The following KPNA7 variants were observed in gnomAD, a reference collection of about 807,000 sequenced individuals.
KPNA7 encodes karyopherin subunit alpha 7, also known as importin subunit alpha-8.
Under a neutral mutation model 53.7 loss-of-function variants are expected in KPNA7, and 54 were observed. The observed-to-expected ratio is 1.01, with a 90% CI of 0.81 to 1.26. The LOEUF (loss-of-function observed/expected upper bound fraction) is 1.26. KPNA7 is among the 50% of genes most tolerant of loss of function. The pLI is 0.00. For missense variants in KPNA7, 640 were observed against 644.5 expected, an observed-to-expected ratio of 0.99 and a Z score of 0.07; for synonymous variants, 276 against 259.3, an observed-to-expected ratio of 1.06 and a Z score of -0.62.
downstream of KPNA7, among the ~76,000 whole-genome samples, chr7:99,171,092 C>A (rs1012140182): frequency 6.6e-6 from 1 of 152,106 alleles, no homozygotes; most frequent in Non-Finnish European, 1.5e-5. Flanking sequence ...TGTTCGCGGG[C>A]GCCCGTGATC....
chr7:99,205,103 T>C (rs1001531776), intron 2 of KPNA7, among the ~76,000 whole-genome samples: 3 of 151,944 alleles, frequency 2.0e-5, no homozygotes, highest in South Asian at 2.1e-4. Context: ...GACAGCTTCA[T>C]TGTTGGAATA....
chr7:99,166,809 C>T, the KPNA7 span, among the ~76,000 whole-genome samples: 1 of 150,432 alleles, frequency 6.6e-6, no homozygotes, highest in African/African-American at 2.5e-5. Flanking sequence ...TTAGTAGAGA[C>T]AAGGTTTCAC....
chr7:99,195,314 G>A lies in KPNA7; in HGVS notation c.309C>T (p.Asn103=). 1 of 1,551,500 alleles carries A rather than the reference G, an allele frequency of 6.4e-7. No individual in the cohort carries two copies. The highest frequency in any genetic ancestry group is 8.7e-7 in the Non-Finnish European group (1 of 1,146,918). ...CTTCAATGACCAGTTTCAGAGGGGG[G>A]TTCTTTTCCTGGGATAGCATTTTCC... ...TARKMLSQEK[N]PPLKLVIEAG... is the part of the protein sequence containing the mutation. The change falls in exon 5 of 11, where the codon AAC becomes AAT. Residue 103 remains asparagine, a synonymous_variant. Transcript: ENST00000327442.
chr7:99,168,542 G>T, the KPNA7 span, among the ~76,000 whole-genome samples: 1 of 152,114 alleles, frequency 6.6e-6, no homozygotes, highest in Non-Finnish European at 1.5e-5. Flanking sequence ...ATAGGGTCTG[G>T]CTCTGTCCCC....
intron 4 of KPNA7, 60 bp from the exon 5 acceptor site, chr7:99,195,398 C>T (rs1395181427): frequency 2.7e-6 from 4 of 1,486,020 alleles, no homozygotes; most frequent in African/African-American, 2.8e-5. Flanking sequence ...TATTAAGGAC[C>T]TCCTTTTAGG....
In KPNA7 at chr7:99,195,358, G is replaced by A. The variant is rs1309259049; in HGVS notation, c.285-20C>T. On this transcript the variant is annotated intron_variant, in intron 4 of 10. Transcript: ENST00000327442. ...ATTTTCCTATGCAATGAAAGAGAGG[G>A]CAGGGGAGGGGGAGGTCAAGTGAGA... The A allele has an allele frequency of 3.2e-6, 5 of 1,548,002 alleles. No homozygotes were observed. The South Asian group carries it at 4.8e-5, about 15-fold the overall frequency.
intron 6 of KPNA7, among the ~76,000 whole-genome samples, chr7:99,191,790 C>CG (rs1789968943): frequency 6.6e-6 from 1 of 152,154 alleles, no homozygotes; most frequent in African/African-American, 2.4e-5. Context: ...GCTGGGACTA[C>CG]AGGAACGTGC....
chr7:99,154,733 T>G, the KPNA7 span, among the ~76,000 whole-genome samples: 1,774 of 151,902 alleles, frequency 0.012, 33 homozygotes, highest in African/African-American at 0.041. Context: ...TACCATGTTG[T>G]CCAAGCTGGT....
chr7:99,164,450 G>C, the KPNA7 span, among the ~76,000 whole-genome samples: 1 of 151,960 alleles, frequency 6.6e-6, no homozygotes, highest in Non-Finnish European at 1.5e-5. Context: ...AGAACACATG[G>C]ACACAGGAAG....
chr7:99,160,022 T>TG, the KPNA7 span, among the ~76,000 whole-genome samples: 90 of 71,702 alleles, frequency 1.3e-3, no homozygotes, highest in East Asian at 0.013. Flanking sequence ...TTTTTGTTTT[T>TG]TTTTTTTTTT....
rs754881370 is a variant in KPNA7 at position 99,207,613 on chromosome 7, CTTTTTTTTTTTTTTTTTTTTTTTTT to C, written c.-23-149_-23-125del. The C allele has an allele frequency of 4.2e-3, 513 of 123,008 alleles. 7 individuals are homozygous for C. The highest frequency in any genetic ancestry group is 5.3e-3 in the Non-Finnish European group (350 of 66,462). The allele number at this position is 123,008 out of a possible 1,614,324, so 7.6% of individuals were successfully genotyped here. ...GCAAAGGGCAGACCCAGGAAGCTAG[CTTTTTTTTTTTTTTTTTTTTTTTTT>C]TTTTTTTTTTTTTTTGAGACAGAGT... On this transcript the variant is annotated intron_variant, in intron 1 of 10. Coordinates refer to ENST00000327442, the MANE Select transcript of KPNA7 (RefSeq NM_001145715.3).
rs1257076032 is a variant in KPNA7 at position 99,195,987 on chromosome 7, A to G, written c.284+97T>C. On this transcript the variant is annotated intron_variant, in intron 4 of 10. Transcript: ENST00000327442. ...TCCTGTGTTTTACGGGCATGTTGCC[A>G]ATGCCAAGAAACCAAATAGGCCACC... The G allele has an allele frequency of 3.2e-6, 3 of 939,782 alleles. No individual in the cohort carries two copies. In the African/African-American group the frequency reaches 4.9e-5, roughly 15 times the overall value. The allele number at this position is 939,782 out of a possible 1,614,324, so 58.2% of individuals were successfully genotyped here.
chr7:99,150,389 T>A, the KPNA7 span, among the ~76,000 whole-genome samples: 151 of 149,236 alleles, frequency 1.0e-3, 1 homozygote, highest in African/African-American at 3.7e-3. Flanking sequence ...GCAGTGACAT[T>A]AAACAAACTG....
intron 4 of KPNA7, 83 bp from the exon 5 acceptor site, chr7:99,195,421 G>T (rs569871150): frequency 1.6e-6 from 2 of 1,289,036 alleles, no homozygotes; most frequent in East Asian, 2.5e-5. Flanking sequence ...AGGTGCGGTG[G>T]CTCACACCTG....
the KPNA7 span, among the ~76,000 whole-genome samples, chr7:99,168,378 G>T: frequency 6.6e-6 from 1 of 152,092 alleles, no homozygotes; most frequent in Non-Finnish European, 1.5e-5. Context: ...GGAATAGGGG[G>T]GTTAGTATCC....
chr7:99,157,687 A>G, the KPNA7 span, among the ~76,000 whole-genome samples: 2 of 152,296 alleles, frequency 1.3e-5, no homozygotes, highest in East Asian at 1.9e-4. Flanking sequence ...TGAATGCCCT[A>G]TGGATGTGAT....
intron 1 of KPNA7, among the ~76,000 whole-genome samples, chr7:99,214,422 G>A (rs1056037514): frequency 3.4e-5 from 5 of 148,956 alleles, no homozygotes; most frequent in African/African-American, 7.4e-5. Flanking sequence ...CAGTCTGGGT[G>A]ACAGAGCAAG....
At chr7:99,169,462 A>G (rs1162474309), downstream of KPNA7, among the ~76,000 whole-genome samples, 2 of 151,726 alleles carry the variant, frequency 1.3e-5, no homozygotes, top group African/African-American at 4.8e-5. Flanking sequence ...TGTACTAAAA[A>G]TACAAAAATT....
intron 10 of KPNA7, among the ~76,000 whole-genome samples, chr7:99,176,263 A>G (rs1056511330): frequency 5.6e-5 from 8 of 143,712 alleles, no homozygotes; most frequent in African/African-American, 1.0e-4. Context: ...GCGCCACTGC[A>G]CTCCAGCCTG....
Sources: allele counts gnomAD v4.1 joint callset (sites outside exome capture counted in the v4.1 genomes callset), GRCh38; gene constraint gnomAD v4.1.1; transcripts MANE v1.5; gene names NCBI Gene and HGNC (gene_info 2026-07-23, HGNC 2026-07-21).